Variants in FBN1 observed in about 807,000 individuals in gnomAD.
FBN1 encodes the protein fibrillin-1.
FBN1 carries 29 observed loss-of-function variants against 365.1 expected under a neutral mutation model. That is an observed-to-expected ratio of 0.08 (90% confidence interval 0.06 to 0.11). The LOEUF is 0.11. Among genes scored for constraint, FBN1 ranks in the 10% least tolerant of loss-of-function variants. The probability of loss-of-function intolerance (pLI) is 1.00; values close to 1 mark genes in which losing one functional copy is unlikely to be tolerated. For synonymous variants in FBN1, 1,210 were observed against 1,270.5 expected (o/e 0.95, Z 1.01); for missense variants, 2,476 against 3,703.2 (o/e 0.67, Z 8.60).
chr15:48,556,514 G>A (rs1476577336), intron 6 of FBN1, among the ~76,000 whole-genome samples: 3 of 152,244 alleles, frequency 2.0e-5, no homozygotes, highest in Non-Finnish European at 2.9e-5. Flanking sequence ...AAGTGGAAAA[G>A]TGCTTGGCAC....
rs200381100 is a variant in FBN1 at position 48,489,856 on chromosome 15, A to G, written c.3077T>C (p.Phe1026Ser). 502 of 1,613,950 alleles carry G rather than the reference A, an allele frequency of 3.1e-4. 2 individuals are homozygous for G. The highest frequency in any genetic ancestry group is 1.7e-5 in the Non-Finnish European group (20 of 1,179,820). The change falls in exon 25 of 66, where the codon TTC (phenylalanine) becomes TCC (serine). Residue 1026 changes from phenylalanine (F) to serine (S), a missense_variant. Transcript: ENST00000316623. ...TKEITNGKPF[F>S]KDINECKMIP... ...TGGAAAACGTAACATTGTACCTTTG[A>G]AGAAAGGCTTTCCATTTGTAATTTC...
In FBN1 at chr15:48,410,673, C is replaced by G. The variant is rs537505904; in HGVS notation, c.*317G>C. The G allele has an allele frequency of 9.0e-6, 3 of 332,362 alleles. No homozygotes were observed. Among genetic ancestry groups the G allele is most frequent in the South Asian group, 8.2e-5 (2 of 24,482 alleles). 20.6% of individuals were successfully genotyped at this position (332,362 alleles called of 1,614,324 possible). On this transcript the variant is annotated 3_prime_UTR_variant, in exon 66 of 66. Transcript: ENST00000316623. The stretch of plus-strand genomic sequence containing the variant: ...GTAGTCCATCAATTGAAAGCACATT[C>G]CCGTACGTTTGCTGGAAGGATGGCA...
chr15:48,510,938 A>G (rs193272205), intron 13 of FBN1, among the ~76,000 whole-genome samples: 44 of 152,312 alleles, frequency 2.9e-4, no homozygotes, highest in African/African-American at 1.0e-3. Flanking sequence ...CTCAGTTTCT[A>G]GAAGCTACAA....
intron 2 of FBN1, among the ~76,000 whole-genome samples, chr15:48,618,447 A>G (rs1254101813): frequency 6.6e-6 from 1 of 152,200 alleles, no homozygotes; most frequent in Non-Finnish European, 1.5e-5. Flanking sequence ...TAGTGCCTTT[A>G]TTCTGGCCCT....
intron 46 of FBN1, among the ~76,000 whole-genome samples, chr15:48,447,474 TTC>T (rs2141250992): frequency 6.6e-6 from 1 of 152,326 alleles, no homozygotes; most frequent in East Asian, 1.9e-4. Flanking sequence ...GTCCGTACTT[TTC>T]TCTGATGATT....
chr15:48,560,071 A>G (rs1230575447), intron 6 of FBN1, among the ~76,000 whole-genome samples: 3 of 152,178 alleles, frequency 2.0e-5, no homozygotes, highest in Non-Finnish European at 4.4e-5. Flanking sequence ...AGGCGACTCA[A>G]ATTGCTACTG....
intron 14 of FBN1, among the ~76,000 whole-genome samples, chr15:48,509,520 AT>A (rs1471466999): frequency 2.0e-5 from 3 of 148,028 alleles, no homozygotes; most frequent in Non-Finnish European, 4.5e-5. Context: ...TTAAATATGT[AT>A]TTTATGAATA....
intron 5 of FBN1, among the ~76,000 whole-genome samples, chr15:48,597,089 G>T (rs1201561683): frequency 6.6e-6 from 1 of 152,140 alleles, no homozygotes; most frequent in African/African-American, 2.4e-5. Flanking sequence ...TGCCAAATAT[G>T]TCAGTTCCAC....
intron 42 of FBN1, among the ~76,000 whole-genome samples, chr15:48,462,386 C>G (rs2043286130): frequency 6.6e-6 from 1 of 151,872 alleles, no homozygotes; most frequent in Admixed American, 6.6e-5. Flanking sequence ...TATTTAGTTT[C>G]TTTCTCCATG....
intron 56 of FBN1, among the ~76,000 whole-genome samples, chr15:48,429,160 C>T (rs1403610366): frequency 1.3e-5 from 2 of 152,074 alleles, no homozygotes; most frequent in Non-Finnish European, 1.5e-5. Context: ...ATAAAAAGGA[C>T]TCTCAAAGTG....
chr15:48,490,414 G>A (rs906875556), intron 24 of FBN1, among the ~76,000 whole-genome samples: 1 of 152,164 alleles, frequency 6.6e-6, no homozygotes, highest in Non-Finnish European at 1.5e-5. Context: ...TATCACCGAT[G>A]CGTGCATGCC....
chr15:48,429,340 A>G (rs1224766421), intron 56 of FBN1, among the ~76,000 whole-genome samples: 3 of 152,200 alleles, frequency 2.0e-5, no homozygotes, highest in African/African-American at 7.2e-5. Context: ...ATTTATTGTA[A>G]TATTTCAACA....
At chr15:48,437,744 G>A (rs372136195) in intron 51 of FBN1, 24 bp downstream of exon 51, 1 of 1,613,274 alleles carries the variant, frequency 6.2e-7, no homozygotes, top group South Asian at 1.1e-5. Context: ...ATGGCCCAGA[G>A]AGAAATGCAG....
At chr15:48,456,526 A>C in intron 44 of FBN1, 111 bp downstream of exon 44, 20 of 1,096,148 alleles carry the variant, frequency 1.8e-5, no homozygotes, top group South Asian at 3.7e-5. Flanking sequence ...TACTATTTCT[A>C]GAGCTTAATG....
rs186079897 is a variant in FBN1 at position 48,414,863 on chromosome 15, T to G, written c.8051+673A>C. Among the ~76,000 whole-genome samples, 50 of 144,772 alleles carry G rather than the reference T, an allele frequency of 3.5e-4. 1 individual carries two copies. In the East Asian group the frequency reaches 6.5e-3, roughly 19 times the overall value. The allele number at this position is 144,772 out of a possible 152,430, so 95.0% of individuals were successfully genotyped here. On this transcript the variant is annotated intron_variant, in intron 64 of 65. Transcript: ENST00000316623. ...GTGAGCTGAGATTGCACCACTGCAC[T>G]CCAGCCTGGGCGACAGAGCAAGACT... is the stretch of plus-strand genomic sequence containing the variant.
intron 2 of FBN1, chr15:48,642,523 G>GTATACA (rs1451767176): frequency 6.6e-6 from 1 of 152,142 alleles, no homozygotes; most frequent in Non-Finnish European, 1.5e-5. Context: ...ACATGTGTAT[G>GTATACA]TATACATATA....
chr15:48,618,692 C>CA (rs1381338825), intron 2 of FBN1, among the ~76,000 whole-genome samples: 2 of 152,196 alleles, frequency 1.3e-5, no homozygotes, highest in Non-Finnish European at 2.9e-5. Flanking sequence ...GGCCACACAG[C>CA]AGGGGGTAAG....
intron 13 of FBN1, among the ~76,000 whole-genome samples, chr15:48,512,477 C>T (rs1327396278): frequency 1.3e-5 from 2 of 152,180 alleles, no homozygotes; most frequent in African/African-American, 4.8e-5. Context: ...CTCCCTCCTC[C>T]AACCCTCCAC....
chr15:48,534,316 G>C (rs921744579), intron 7 of FBN1, 111 bp from the exon 8 acceptor site: 3 of 1,133,160 alleles, frequency 2.6e-6, no homozygotes, highest in Middle Eastern at 2.4e-4. Context: ...ATATCGGTGA[G>C]TTATTTGTCC....
Sources: gnomAD v4.1 joint callset for allele counts (sites outside exome capture counted in the v4.1 genomes callset) on GRCh38, gnomAD v4.1.1 for gene constraint, MANE v1.5 for transcripts, NCBI Gene and HGNC (gene_info 2026-07-23, HGNC 2026-07-21) for gene names.